The following C12orf42 variants were observed in gnomAD, a reference collection of about 807,000 sequenced individuals.
C12orf42 encodes the protein uncharacterized protein C12orf42.
A neutral mutation model predicts 21.6 loss-of-function variants in C12orf42; 25 were observed. The ratio of observed to expected loss-of-function variants is 1.16; its 90% CI spans 0.84 to 1.62. The LOEUF (loss-of-function observed/expected upper bound fraction) is 1.62. Ranked by LOEUF, C12orf42 falls within the 40% of genes most tolerant of loss-of-function variation. The pLI, the probability that C12orf42 is intolerant of heterozygous loss-of-function variation, is 0.00. For synonymous variants in C12orf42, 174 were observed against 175.0 expected, an observed-to-expected ratio of 0.99 and a Z score of 0.05; for missense variants, 483 against 459.3, an observed-to-expected ratio of 1.05 and a Z score of -0.47.
chr12:103,278,470 G>T (rs1414764337), intron 4 of C12orf42, among the ~76,000 whole-genome samples: 8 of 152,212 alleles, frequency 5.3e-5, no homozygotes, highest in African/African-American at 1.9e-4. Flanking sequence ...ATATGGAAAG[G>T]AGATGCTGGG....
intron 2 of C12orf42, among the ~76,000 whole-genome samples, chr12:103,411,919 AG>A (rs1326215881): frequency 6.6e-6 from 1 of 152,214 alleles, no homozygotes; most frequent in Non-Finnish European, 1.5e-5. Flanking sequence ...TGACTTAAAA[AG>A]TTTATTTGAA....
chr12:103,183,424 T>C, the C12orf42 span, among the ~76,000 whole-genome samples: 1 of 152,262 alleles, frequency 6.6e-6, no homozygotes, highest in African/African-American at 2.4e-5. Flanking sequence ...TGAGATTTTC[T>C]ATTTTATTGC....
rs376914288 is a variant in C12orf42 at position 103,458,327 on chromosome 12, GA to G, written c.78+20021del. ...TAGGAGATTTGTATCTTTCTTTGTAGAAAAAAAAAAATAGTACTTTTCCAAG... is the reference window on the plus strand; with the variant it reads ...TAGGAGATTTGTATCTTTCTTTGTAGAAAAAAAAAATAGTACTTTTCCAAG... On this transcript the variant is annotated intron_variant, in intron 2 of 5. Transcript: ENST00000548883. 2.4e-3 allele frequency among the ~76,000 whole-genome samples: 343 copies of G among 145,514 alleles called. 4 individuals carry two copies. Among genetic ancestry groups the G allele is most frequent in the East Asian group, 7.7e-3 (39 of 5,042 alleles).
chr12:103,333,176 T>C (rs960517753), intron 4 of C12orf42, among the ~76,000 whole-genome samples: 4 of 152,188 alleles, frequency 2.6e-5, no homozygotes, highest in Non-Finnish European at 5.9e-5. Flanking sequence ...AGAGGCAGTA[T>C]AATAGAGTGA....
intron 4 of C12orf42, among the ~76,000 whole-genome samples, chr12:103,322,957 T>C (rs1482928184): frequency 6.6e-6 from 1 of 152,188 alleles, no homozygotes; most frequent in African/African-American, 2.4e-5. Context: ...TATTTCCTAC[T>C]GGTTATAAAA....
chr12:103,395,615 G>A (rs1206281726), intron 3 of C12orf42, among the ~76,000 whole-genome samples: 8 of 152,122 alleles, frequency 5.3e-5, no homozygotes, highest in Non-Finnish European at 1.0e-4. Flanking sequence ...GATTACAGGC[G>A]TGAGCCACCA....
chr12:103,171,053 GA>G, the C12orf42 span, among the ~76,000 whole-genome samples: 1 of 151,932 alleles, frequency 6.6e-6, no homozygotes, highest in Admixed American at 6.6e-5. Flanking sequence ...CTGTTTCTAG[GA>G]TATACCAAGT....
chr12:103,179,954 T>C, the C12orf42 span, among the ~76,000 whole-genome samples: 5 of 152,016 alleles, frequency 3.3e-5, no homozygotes, highest in African/African-American at 1.2e-4. Flanking sequence ...AGAGAGGGCC[T>C]CCAGGAAGAA....
chr12:103,448,293 C>A (rs1027822908), intron 2 of C12orf42, among the ~76,000 whole-genome samples: 3 of 152,030 alleles, frequency 2.0e-5, no homozygotes, highest in African/African-American at 4.8e-5. Context: ...AAAATCAACT[C>A]AAGATGGGTC....
At chr12:103,481,948 A>C (rs2138069222) in intron 1 of C12orf42, among the ~76,000 whole-genome samples, 1 of 152,030 alleles carries the variant, frequency 6.6e-6, no homozygotes, top group South Asian at 2.1e-4. Flanking sequence ...CAATCTAAGT[A>C]TTTTATAAAT....
chr12:103,063,085 G>C, the C12orf42 span, among the ~76,000 whole-genome samples: 1 of 152,094 alleles, frequency 6.6e-6, no homozygotes, highest in Admixed American at 6.6e-5. Context: ...CAAGAAGTTT[G>C]GTGATTCTAT....
In C12orf42 at chr12:103,401,649, C is replaced by T. The variant is rs868143041; in HGVS notation, c.105G>A (p.Val35=). 1.2e-6 allele frequency: 2 copies of T among 1,613,788 alleles called. No individual in the cohort carries two copies. Among genetic ancestry groups the T allele is most frequent in the Non-Finnish European group, 1.7e-6 (2 of 1,179,846 alleles). Residue 35 remains valine, a synonymous_variant, in exon 3 of 6, where the codon GTG becomes GTA. Coordinates refer to ENST00000548883, the MANE Select transcript of C12orf42 (RefSeq NM_198521.5). ...TTCTATCCCACAGGGTGGCACTGCT[C>T]ACAATGGGAATATAGCAAGGGGATT... The part of the protein sequence containing the change: ...MQKSPCYIPI[V]SSATLWDRST...
At chr12:103,524,010 A>G in the C12orf42 span, among the ~76,000 whole-genome samples, 1 of 152,262 alleles carries the variant, frequency 6.6e-6, no homozygotes, top group Non-Finnish European at 1.5e-5. Flanking sequence ...AAGCATAGTC[A>G]TTATCCAACC....
chr12:103,115,796 G>C, the C12orf42 span, among the ~76,000 whole-genome samples: 1 of 152,136 alleles, frequency 6.6e-6, no homozygotes, highest in African/African-American at 2.4e-5. Flanking sequence ...CTTGGTAAGG[G>C]ACTGGATTCA....
At chr12:103,434,813 G>A (rs527698670) in intron 2 of C12orf42, among the ~76,000 whole-genome samples, 1 of 152,166 alleles carries the variant, frequency 6.6e-6, no homozygotes, top group Admixed American at 6.5e-5. Context: ...AGGCGGCAGC[G>A]AGGCTGGGGG....
At chr12:103,383,584 T>C (rs533929105) in intron 3 of C12orf42, among the ~76,000 whole-genome samples, 2 of 152,264 alleles carry the variant, frequency 1.3e-5, no homozygotes, top group Admixed American at 6.5e-5. Context: ...TTGGCAAAAA[T>C]TGATTTGTGT....
At chr12:103,127,397 C>T in the C12orf42 span, among the ~76,000 whole-genome samples, 1 of 152,034 alleles carries the variant, frequency 6.6e-6, no homozygotes, top group African/African-American at 2.4e-5. Context: ...ATTACCCAAA[C>T]ACAAAAATGG....
the C12orf42 span, among the ~76,000 whole-genome samples, chr12:103,182,656 T>G: frequency 1.2e-4 from 18 of 152,332 alleles, no homozygotes; most frequent in East Asian, 3.5e-3. Context: ...ATTTCTATTT[T>G]TCATATAAAT....
chr12:103,387,081 T>C (rs186180192), intron 3 of C12orf42, among the ~76,000 whole-genome samples: 2 of 152,226 alleles, frequency 1.3e-5, no homozygotes, highest in Admixed American at 6.5e-5. Context: ...GGGAGCCTAG[T>C]AATAATTATT....
Sources: allele counts gnomAD v4.1 joint callset (sites outside exome capture counted in the v4.1 genomes callset), GRCh38; gene constraint gnomAD v4.1.1; transcripts MANE v1.5; gene names NCBI Gene and HGNC (gene_info 2026-07-23, HGNC 2026-07-21).